The following CDH13 variants were observed in gnomAD, a reference collection of about 807,000 sequenced individuals.
The protein encoded by CDH13 is cadherin 13.
Under a neutral mutation model 63.8 loss-of-function variants are expected in CDH13, and 24 were observed. That is an observed-to-expected ratio of 0.38 (90% CI 0.27 to 0.53). CDH13 has a LOEUF of 0.53. Among genes scored for constraint, CDH13 ranks in the 20% least tolerant of loss-of-function variants. The pLI, the probability that CDH13 is intolerant of heterozygous loss-of-function variation, is 0.85. For synonymous variants in CDH13, 503 were observed against 355.3 expected (o/e 1.42, Z -4.67); for missense variants, 1,049 against 903.1 (o/e 1.16, Z -2.07).
chr16:82,734,861 C>G (rs182191367), intron 1 of CDH13, among the ~76,000 whole-genome samples: 1 of 152,132 alleles, frequency 6.6e-6, no homozygotes, highest in African/African-American at 2.4e-5. Context: ...AGCTGAGAGC[C>G]GAGGGCTGCC....
chr16:82,973,537 G>A (rs564056467), intron 2 of CDH13, among the ~76,000 whole-genome samples: 1 of 152,280 alleles, frequency 6.6e-6, no homozygotes, highest in South Asian at 2.1e-4. Flanking sequence ...ACAAGGTGTA[G>A]TCCCTACTTT....
At chr16:83,213,084 TGAAGAGAGACA>T (rs772898875) in intron 4 of CDH13, among the ~76,000 whole-genome samples, 1 of 152,092 alleles carries the variant, frequency 6.6e-6, no homozygotes, top group African/African-American at 2.4e-5. Context: ...CATAAAAAGT[TGAAGAGAGACA>T]GAAGAGAGAC....
intron 7 of CDH13, among the ~76,000 whole-genome samples, chr16:83,584,850 G>A (rs954009495): frequency 2.7e-4 from 41 of 152,124 alleles, no homozygotes; most frequent in Admixed American, 2.6e-3. Context: ...TTACAATCAC[G>A]GCAGAGGGCA....
chr16:83,221,843 G>C (rs1444941098), intron 5 of CDH13, among the ~76,000 whole-genome samples: 1 of 152,106 alleles, frequency 6.6e-6, no homozygotes, highest in African/African-American at 2.4e-5. Context: ...GCATATGGAA[G>C]AAGAGGCAAA....
intron 1 of CDH13, among the ~76,000 whole-genome samples, chr16:82,685,844 C>A (rs989258364): frequency 6.6e-6 from 1 of 152,196 alleles, no homozygotes; most frequent in Non-Finnish European, 1.5e-5. Context: ...GGTCTTAAAA[C>A]AGAACCTTTG....
In CDH13 at chr16:83,264,333, A is replaced by G. The variant is rs115551557; in HGVS notation, c.636+46836A>G. ...TGAACTCTCAAATCTTTGTTTATGA[A>G]TTTTTATCAATCTCTGACTTTTCCA... On this transcript the variant is annotated intron_variant, in intron 5 of 13. Transcript: ENST00000567109. 3.0e-3 allele frequency among the ~76,000 whole-genome samples: 462 copies of G among 152,254 alleles called. 2 individuals are homozygous for G. Among genetic ancestry groups the G allele is most frequent in the African/African-American group, 0.011 (440 of 41,540 alleles).
At chr16:82,796,967 T>C (rs75312871) in intron 1 of CDH13, among the ~76,000 whole-genome samples, 7,745 of 152,262 alleles carry the variant, frequency 0.051, 311 homozygotes, top group Non-Finnish European at 0.08. Flanking sequence ...TGAATGCCCA[T>C]TGGAGGCAGG....
intron 5 of CDH13, among the ~76,000 whole-genome samples, chr16:83,241,264 C>T (rs1904420030): frequency 6.6e-6 from 1 of 152,178 alleles, no homozygotes; most frequent in African/African-American, 2.4e-5. Context: ...GTTGCTTCCA[C>T]CTCTTGACTA....
intron 3 of CDH13, among the ~76,000 whole-genome samples, chr16:83,104,392 G>A (rs1244639584): frequency 1.3e-5 from 2 of 152,076 alleles, no homozygotes; most frequent in Non-Finnish European, 1.5e-5. Context: ...AAAATGTGAG[G>A]CTCTGTAATG....
chr16:83,192,494 T>G (rs899373956), intron 4 of CDH13, among the ~76,000 whole-genome samples: 1 of 152,192 alleles, frequency 6.6e-6, no homozygotes, highest in African/African-American at 2.4e-5. Context: ...TTTTTGTGAT[T>G]CCCAGCTCTC....
At chr16:82,736,953 C>T (rs1222076199) in intron 1 of CDH13, among the ~76,000 whole-genome samples, 1 of 152,136 alleles carries the variant, frequency 6.6e-6, no homozygotes, top group Admixed American at 6.5e-5. Flanking sequence ...TTTCTTCCTC[C>T]CCTCTGAATA....
chr16:83,510,023 C>A lies in CDH13; in HGVS notation c.960+23368C>A, dbSNP rs114110407. Among the ~76,000 whole-genome samples the A allele has an allele frequency of 2.4e-3, 372 of 152,246 alleles. 1 individual carries two copies. Among genetic ancestry groups the A allele is most frequent in the African/African-American group, 8.6e-3 (356 of 41,558 alleles). On this transcript the variant is annotated intron_variant, in intron 7 of 13. Coordinates refer to ENST00000567109, the MANE Select transcript of CDH13 (RefSeq NM_001257.5). ...TTAGCCCTGCTTTAATGGACTTTTTCAGAAGTGTTTTTGCTTGTGTTTTAC... is the reference window on the plus strand; with the variant it reads ...TTAGCCCTGCTTTAATGGACTTTTTAAGAAGTGTTTTTGCTTGTGTTTTAC...
At chr16:83,396,145 T>A (rs370421755) in intron 6 of CDH13, among the ~76,000 whole-genome samples, 6 of 152,334 alleles carry the variant, frequency 3.9e-5, no homozygotes, top group East Asian at 3.9e-4. Context: ...TATGGCTGCA[T>A]AGTATTCCGT....
rs2041322167 is a variant in CDH13 at position 82,897,853 on chromosome 16, TA to T, written c.157+39381del. Among the ~76,000 whole-genome samples, 4 of 152,388 alleles carry T rather than the reference TA, an allele frequency of 2.6e-5. No individual in the cohort carries two copies. The South Asian group carries it at 8.3e-4, about 32-fold the overall frequency. On this transcript the variant is annotated intron_variant, in intron 2 of 13. Coordinates refer to ENST00000567109, the MANE Select transcript of CDH13 (RefSeq NM_001257.5). ...TTGATCATTTCTTTATTCATTCATT[TA>T]TCATTGGCCATTTATTCATTGTTCA...
At chr16:83,131,608 C>G (rs1443669287) in intron 4 of CDH13, among the ~76,000 whole-genome samples, 2 of 152,092 alleles carry the variant, frequency 1.3e-5, no homozygotes, top group Admixed American at 1.3e-4. Flanking sequence ...GAGCAGGGGA[C>G]TTTAAATCTG....
chr16:83,151,370 C>T (rs756854308), intron 4 of CDH13, among the ~76,000 whole-genome samples: 2 of 152,170 alleles, frequency 1.3e-5, no homozygotes, highest in African/African-American at 2.4e-5. Flanking sequence ...CTTCTCTGTG[C>T]CCCTCTTCCC....
At chr16:83,025,261 A>T (rs946007674) in intron 2 of CDH13, among the ~76,000 whole-genome samples, 3 of 152,194 alleles carry the variant, frequency 2.0e-5, no homozygotes, top group Non-Finnish European at 4.4e-5. Flanking sequence ...GATGTCGAGG[A>T]TTAAAGAATA....
At chr16:82,843,582 A>G (rs1409637948) in intron 1 of CDH13, among the ~76,000 whole-genome samples, 2 of 152,222 alleles carry the variant, frequency 1.3e-5, no homozygotes, top group Non-Finnish European at 2.9e-5. Flanking sequence ...AGAAAAAAAA[A>G]GCTTAACAAG....
chr16:82,886,341 T>C (rs148645206), intron 2 of CDH13, among the ~76,000 whole-genome samples: 3 of 152,350 alleles, frequency 2.0e-5, no homozygotes, highest in Non-Finnish European at 4.4e-5. Context: ...GCCTGGTGTT[T>C]GCATTTCCAT....
Sources: gnomAD v4.1 joint callset for allele counts (sites outside exome capture counted in the v4.1 genomes callset) on GRCh38, gnomAD v4.1.1 for gene constraint, MANE v1.5 for transcripts, NCBI Gene and HGNC (gene_info 2026-07-23, HGNC 2026-07-21) for gene names.